PRLR: variants seen among roughly 807,000 people sequenced by gnomAD.
The protein encoded by PRLR is prolactin receptor.
Under a neutral mutation model 40.2 loss-of-function variants are expected in PRLR, and 13 were observed. The ratio of observed to expected loss-of-function variants is 0.32; its 90% confidence interval spans 0.21 to 0.51. The LOEUF (loss-of-function observed/expected upper bound fraction) is 0.51, where lower values mean the gene tolerates loss of function less well. Ranked by LOEUF, PRLR falls within the 20% of genes least tolerant of loss-of-function variation. The pLI is 0.97. For missense variants in PRLR, 656 were observed against 747.3 expected, an observed-to-expected ratio of 0.88 and a Z score of 1.42; for synonymous variants, 269 against 278.7, an observed-to-expected ratio of 0.97 and a Z score of 0.35.
intron 5 of PRLR, among the ~76,000 whole-genome samples, chr5:35,082,996 T>C (rs1369627495): frequency 2.0e-5 from 3 of 152,038 alleles, no homozygotes; most frequent in Non-Finnish European, 4.4e-5. Context: ...ATTAAAACAG[T>C]TGCTAATTTC....
chr5:35,086,102 C>T (rs1179743464), intron 4 of PRLR, 106 bp downstream of exon 4: 3 of 1,378,624 alleles, frequency 2.2e-6, no homozygotes, highest in African/African-American at 1.4e-5. Context: ...ATGAACCTTA[C>T]TGGTGTAAAT....
At chr5:35,170,203 G>A (rs902647530) in intron 1 of PRLR, among the ~76,000 whole-genome samples, 4 of 152,186 alleles carry the variant, frequency 2.6e-5, no homozygotes, top group African/African-American at 7.2e-5. Context: ...GCAGCCGTGT[G>A]TACACTGTGC....
chr5:35,160,997 T>C (rs1400531708), intron 1 of PRLR, among the ~76,000 whole-genome samples: 1 of 152,220 alleles, frequency 6.6e-6, no homozygotes, highest in African/African-American at 2.4e-5. Context: ...GCTGTGGTCT[T>C]TGTGTAGTGG....
chr5:35,229,467 G>C (rs1561376281), intron 1 of PRLR, among the ~76,000 whole-genome samples: 1 of 152,146 alleles, frequency 6.6e-6, no homozygotes, highest in East Asian at 1.9e-4. Context: ...TCTACTCAAA[G>C]AGCCAGAACT....
At chr5:35,160,128 A>G (rs528196322) in intron 1 of PRLR, among the ~76,000 whole-genome samples, 22 of 152,334 alleles carry the variant, frequency 1.4e-4, no homozygotes, top group Non-Finnish European at 2.5e-4. Flanking sequence ...ACTGCTCTGG[A>G]CCAAATCCAG....
At chr5:35,221,120 C>G (rs1341426984) in intron 1 of PRLR, among the ~76,000 whole-genome samples, 2 of 152,184 alleles carry the variant, frequency 1.3e-5, no homozygotes, top group Non-Finnish European at 2.9e-5. Context: ...TATTTCTTGG[C>G]TAATTTACCT....
chr5:35,132,936 A>G (rs994319090), intron 1 of PRLR, among the ~76,000 whole-genome samples: 1 of 152,200 alleles, frequency 6.6e-6, no homozygotes, highest in African/African-American at 2.4e-5. Flanking sequence ...TATTGAATCC[A>G]TAGACTGAGT....
intron 2 of PRLR, among the ~76,000 whole-genome samples, chr5:35,094,419 C>G (rs184698264): frequency 6.6e-6 from 1 of 152,158 alleles, no homozygotes; most frequent in East Asian, 1.9e-4. Context: ...GAATGAAATA[C>G]CATAACTCAT....
intron 6 of PRLR, among the ~76,000 whole-genome samples, chr5:35,072,057 G>C (rs973118451): frequency 1.4e-4 from 22 of 151,918 alleles, no homozygotes; most frequent in Middle Eastern, 3.4e-3. Context: ...CACCACACCT[G>C]GCTAATTTTT....
At chr5:35,049,194 CA>C (rs1768389124) in exon 9 of PRLR, 2 of 700,996 alleles carry the variant, frequency 2.9e-6, no homozygotes, top group Non-Finnish European at 5.2e-6. Context: ...CCAGTGGACA[CA>C]CAGCATCTCC....
At chr5:35,097,067 A>G (rs16871824) in intron 2 of PRLR, among the ~76,000 whole-genome samples, 3,559 of 152,314 alleles carry the variant, frequency 0.023, 142 homozygotes, top group African/African-American at 0.08. Flanking sequence ...ACTGACTTAC[A>G]TGCTATCACC....
intron 1 of PRLR, among the ~76,000 whole-genome samples, chr5:35,125,104 AG>A (rs1389858848): frequency 6.6e-6 from 1 of 152,216 alleles, no homozygotes; most frequent in Non-Finnish European, 1.5e-5. Flanking sequence ...GCAAAGTCCA[AG>A]TCTCCTTGAT....
At chr5:35,203,644 C>G (rs142489441) in intron 1 of PRLR, among the ~76,000 whole-genome samples, 42 of 152,244 alleles carry the variant, frequency 2.8e-4, no homozygotes, top group African/African-American at 9.6e-4. Context: ...TCTGATGGGT[C>G]TCTGTGCTCA....
chr5:35,067,055 G>A (rs561770141), intron 9 of PRLR, among the ~76,000 whole-genome samples: 88 of 152,146 alleles, frequency 5.8e-4, no homozygotes, highest in Middle Eastern at 3.4e-3. Context: ...GAGCCACCGC[G>A]CCCGGCCTCT....
rs4703504 is a variant in PRLR at position 35,171,869 on chromosome 5, C to T, written c.-105-53747G>A. ...ACTCTAGATGATATCTTTTAAAGAA[C>T]CTTTACTTTTTGAAAAAAGTAAAAA... On this transcript the variant is annotated intron_variant, in intron 1 of 9. Transcript: ENST00000618457. Among the ~76,000 whole-genome samples, 6 of 152,200 alleles carry T rather than the reference C, an allele frequency of 3.9e-5. No individual in the cohort carries two copies. In the South Asian group the frequency reaches 1.2e-3, roughly 32 times the overall value.
intron 5 of PRLR, among the ~76,000 whole-genome samples, chr5:35,078,332 G>GAAA (rs944924163): frequency 3.3e-5 from 5 of 151,812 alleles, no homozygotes; most frequent in African/African-American, 1.2e-4. Flanking sequence ...AGAAAAGAAA[G>GAAA]AAAAATGAAA....
rs1009756665 is a variant in PRLR at position 35,065,813 on chromosome 5, T to A, written c.1145A>T (p.Lys382Met). ...STFYDPEVIEKPENPETTHTW... is the reference protein window; with the variant it reads ...STFYDPEVIEMPENPETTHTW... ...GTGGGTTGTTTCAGGATTCTCTGGC[T>A]TCTCAATGACCTCAGGATCATAGAA... The change falls in exon 10 of 10, where the codon AAG (lysine) becomes ATG (methionine). Residue 382 changes from lysine to methionine, a missense_variant. Lys to Met is a moderately conservative substitution (Grantham distance 95). Around this residue, in one of 3 missense-constraint regions of PRLR, gnomAD observed 469 missense variants for 491.5 expected, o/e 0.95. Coordinates refer to ENST00000618457, the MANE Select transcript of PRLR (RefSeq NM_000949.7). The A allele has an allele frequency of 6.2e-7, 1 of 1,614,028 alleles. No individual in the cohort carries two copies. Among genetic ancestry groups the A allele is most frequent in the African/African-American group, 1.3e-5 (1 of 74,908 alleles).
In PRLR at chr5:35,072,662, A is replaced by G; in HGVS notation, c.456T>C (p.Ser152=). The change falls in exon 6 of 10, where the codon TCT becomes TCC. Residue 152 remains serine, a synonymous_variant. Coordinates refer to ENST00000618457, the MANE Select transcript of PRLR (RefSeq NM_000949.7). Reference sequence around the variant, plus strand: ...TTTTTAAGTCAATCAGGGTAGGTGGAGACCATTTAATCCACAGGTAGGGTT... The same window carrying G: ...TTTTTAAGTCAATCAGGGTAGGTGGGGACCATTTAATCCACAGGTAGGGTT... ...DRKPYLWIKW[S]PPTLIDLKTG... is the part of the protein sequence containing the mutation. The G allele has an allele frequency of 1.2e-6, 2 of 1,614,170 alleles. No homozygotes were observed. Among genetic ancestry groups the G allele is most frequent in the Non-Finnish European group, 1.7e-6 (2 of 1,180,004 alleles).
At chr5:35,158,137 G>A (rs75388908) in intron 1 of PRLR, among the ~76,000 whole-genome samples, 3,298 of 152,276 alleles carry the variant, frequency 0.022, 129 homozygotes, top group African/African-American at 0.076. Flanking sequence ...AGAGGAAGAT[G>A]AATGCTCTTA....
Sources: allele counts gnomAD v4.1 joint callset (sites outside exome capture counted in the v4.1 genomes callset), GRCh38; gene constraint gnomAD v4.1.1; regional missense constraint gnomAD v4.1.1; transcripts MANE v1.5; gene names NCBI Gene and HGNC (gene_info 2026-07-23, HGNC 2026-07-21).